SALL2: variants seen among roughly 807,000 people sequenced by gnomAD.
SALL2 encodes the protein sal-like protein 2.
Under a neutral mutation model 58.5 loss-of-function variants are expected in SALL2, and 32 were observed. That is an observed-to-expected ratio of 0.55 (90% CI 0.41 to 0.74). SALL2 has a LOEUF of 0.74. SALL2 is among the 30% of genes least tolerant of loss of function. The probability of loss-of-function intolerance (pLI) is 0.00; values close to 1 mark genes in which losing one functional copy is unlikely to be tolerated. For missense variants in SALL2, 1,201 were observed against 1,268.9 expected, an observed-to-expected ratio of 0.95 and a Z score of 0.81; for synonymous variants, 516 against 513.6, an observed-to-expected ratio of 1.00 and a Z score of -0.06.
Position 21,526,298 on chromosome 14 carries a change from G to A in SALL2, c.-171C>T. ...AGCAGCGGCGGAGGGGGAGGGGAGC[G>A]AGGAGGCGGGGAGAAGCTGGAGTGA... On this transcript the variant is annotated 5_prime_UTR_variant, in exon 1 of 2. Coordinates refer to ENST00000537235, the MANE Select transcript of SALL2 (RefSeq NM_001364564.1). 5.6e-6 allele frequency: 8 copies of A among 1,437,308 alleles called. No individual in the cohort carries two copies. The highest frequency in any genetic ancestry group is 2.8e-5 in the Admixed American group (1 of 35,930). The allele number at this position is 1,437,308 out of a possible 1,614,324, so 89.0% of individuals were successfully genotyped here.
upstream of SALL2, among the ~76,000 whole-genome samples, chr14:21,531,334 G>C (rs972233060): frequency 1.3e-5 from 2 of 152,240 alleles, no homozygotes; most frequent in Non-Finnish European, 2.9e-5. Context: ...TCAGACCTGA[G>C]TTAAAGTCCC....
In SALL2 at chr14:21,525,588, G is replaced by A. The variant is rs756929275; in HGVS notation, c.134C>T (p.Thr45Ile). The A allele has an allele frequency of 2.7e-5, 44 of 1,612,130 alleles. No homozygotes were observed. The highest frequency in any genetic ancestry group is 3.7e-5 in the Non-Finnish European group (44 of 1,179,052). ...TGCGTTCTGGTGGGCGAGGAATTCA[G>A]TTGGGTCAGTGAATTGTGCGCAGCA... ...AKCCAQFTDPTEFLAHQNACS... is the reference protein window; with the variant it reads ...AKCCAQFTDPIEFLAHQNACS... Residue 45 changes from threonine to isoleucine, a missense_variant, in exon 2 of 2, where the codon ACT becomes ATT. Physicochemically the swap from Thr to Ile is moderately conservative, Grantham distance 89. Around this residue, in one of 3 missense-constraint regions of SALL2, gnomAD observed 467 missense variants for 468.9 expected, o/e 1.00. Coordinates refer to ENST00000537235, the MANE Select transcript of SALL2 (RefSeq NM_001364564.1). The surrounding 1 kb of genome is among the most constrained non-coding windows in gnomAD (Gnocchi z 4.4).
At position 21,526,276 on chromosome 14, in the gene SALL2, A is replaced by C; in HGVS notation, c.-149T>G. ...ATCGGCAGCGGCGGGGGCAGGGAGC[A>C]GCGGCGGAGGGGGAGGGGAGCGAGG... On this transcript the variant is annotated 5_prime_UTR_variant, in exon 1 of 2. Coordinates refer to ENST00000537235, the MANE Select transcript of SALL2 (RefSeq NM_001364564.1). 7.1e-7 allele frequency: 1 copy of C among 1,408,258 alleles called. No individual in the cohort carries two copies. The highest frequency in any genetic ancestry group is 1.5e-5 in the South Asian group (1 of 67,630). The allele number at this position is 1,408,258 out of a possible 1,614,324, so 87.2% of individuals were successfully genotyped here.
rs1892075357 is a variant in SALL2 at position 21,522,433 on chromosome 14, G to A, written c.*271C>T. 1 of 1,409,926 alleles carries A rather than the reference G, an allele frequency of 7.1e-7. No homozygotes were observed. Among genetic ancestry groups the A allele is most frequent in the Non-Finnish European group, 9.2e-7 (1 of 1,085,736 alleles). The allele number at this position is 1,409,926 out of a possible 1,614,324, so 87.3% of individuals were successfully genotyped here. A position where few individuals can be genotyped will look rare whatever the true frequency, so the allele number is the denominator to read the frequency against. The stretch of plus-strand genomic sequence containing the variant: ...GAGGGGGAAGAAGGGTCACACCAGG[G>A]AAGCTGGAGAGGGTTCCCCTTGAGA... On this transcript the variant is annotated 3_prime_UTR_variant, in exon 2 of 2. Coordinates refer to ENST00000537235, the MANE Select transcript of SALL2 (RefSeq NM_001364564.1).
chr14:21,528,138 CAA>C (rs34420452), upstream of SALL2, among the ~76,000 whole-genome samples: 12 of 111,810 alleles, frequency 1.1e-4, no homozygotes, highest in African/African-American at 1.5e-4. Context: ...AACTGCGTCT[CAA>C]AAAAAAAAAA....
chr14:21,525,367 A>G lies in SALL2; in HGVS notation c.355T>C (p.Ser119Pro), dbSNP rs1446534874. Residue 119 changes from serine (S) to proline (P), a missense_variant, in exon 2 of 2, where the codon TCT (serine) becomes CCT (proline). Physicochemically the swap from Ser to Pro is moderately conservative, Grantham distance 74. Around this residue, in one of 3 missense-constraint regions of SALL2, gnomAD observed 467 missense variants for 468.9 expected, o/e 1.00. Coordinates refer to ENST00000537235, the MANE Select transcript of SALL2 (RefSeq NM_001364564.1). The surrounding 1 kb of genome is among the most constrained non-coding windows in gnomAD (Gnocchi z 4.4). ...GCAGCGACCAGGAAATGCCCTGAAG[A>G]CTCCTCTCCTCTCCTCTCTGGGCCC... ...TWGPERRGEE[S>P]SGHFLVAATG... is the part of the protein sequence containing the mutation. 6 of 1,612,092 alleles carry G rather than the reference A, an allele frequency of 3.7e-6. No individual in the cohort carries two copies. The Admixed American group carries it at 5.0e-5, about 13-fold the overall frequency.
At chr14:21,528,853 G>C (rs1892389707), upstream of SALL2, among the ~76,000 whole-genome samples, 1 of 152,144 alleles carries the variant, frequency 6.6e-6, no homozygotes, top group African/African-American at 2.4e-5. Flanking sequence ...CAGGGAGAGG[G>C]AATCAGATGG....
rs375340504 is a variant in SALL2 at position 21,526,175 on chromosome 14, T to C, written c.-48A>G. On this transcript the variant is annotated 5_prime_UTR_variant, in exon 1 of 2. Transcript: ENST00000537235. Reference sequence around the variant, plus strand: ...CAGGTGGGGTGGGAGACAATGGATATTGGGATTGAGGGAGGCGATGGCCGC... The same window carrying C: ...CAGGTGGGGTGGGAGACAATGGATACTGGGATTGAGGGAGGCGATGGCCGC... The C allele has an allele frequency of 1.2e-3, 1,898 of 1,534,682 alleles. 46 individuals carry two copies. In the South Asian group the frequency reaches 0.021, roughly 17 times the overall value.
chr14:21,531,422 T>G (rs970968973), intron 1 of SALL2, among the ~76,000 whole-genome samples: 1 of 152,200 alleles, frequency 6.6e-6, no homozygotes, highest in African/African-American at 2.4e-5. Flanking sequence ...TTATTTTTTT[T>G]TGGGACAGAG....
At position 21,524,883 on chromosome 14, in the gene SALL2, C is replaced by T. The variant is rs1892218645; in HGVS notation, c.839G>A (p.Gly280Glu). 1 of 1,614,016 alleles carries T rather than the reference C, an allele frequency of 6.2e-7. No individual in the cohort carries two copies. The highest frequency in any genetic ancestry group is 1.3e-5 in the African/African-American group (1 of 74,926). The change falls in exon 2 of 2, where the codon GGG becomes GAG. Residue 280 changes from glycine (G) to glutamate (E), a missense_variant. Physicochemically the swap from Gly to Glu is moderately conservative, Grantham distance 98. Transcript: ENST00000537235. ...TCCAGCAGAGAAAGGATGCTGTGACCCCAGTGGGTGGTAAAGGTGGAAGAA... is the reference window on the plus strand; with the variant it reads ...TCCAGCAGAGAAAGGATGCTGTGACTCCAGTGGGTGGTAAAGGTGGAAGAA... ...QAFFHLYHPL[G>E]SQHPFSAGGV... is the part of the protein sequence containing the mutation.
At position 21,525,728 on chromosome 14, in the gene SALL2, G is replaced by A. The variant is rs1405263464; in HGVS notation, c.68-74C>T. On this transcript the variant is annotated intron_variant, in intron 1 of 1. Coordinates refer to ENST00000537235, the MANE Select transcript of SALL2 (RefSeq NM_001364564.1). This position sits in a 1 kb window ranked among gnomAD's most constrained non-coding sequence, Gnocchi z 4.4. ...GTATACCGAGGCTCTAATTAACAAGGAGGCCAGTAACCGCTAGTTGGGGGT... is the reference window on the plus strand; with the variant it reads ...GTATACCGAGGCTCTAATTAACAAGAAGGCCAGTAACCGCTAGTTGGGGGT... 4 of 1,479,314 alleles carry A rather than the reference G, an allele frequency of 2.7e-6. No individual in the cohort carries two copies. Among genetic ancestry groups the A allele is most frequent in the Non-Finnish European group, 3.6e-6 (4 of 1,107,152 alleles). 91.6% of individuals were successfully genotyped at this position (1,479,314 alleles called of 1,614,324 possible).
Position 21,524,606 on chromosome 14 carries a change from T to C in SALL2, c.1116A>G (p.Lys372=), listed in dbSNP as rs1172046443. The C allele has an allele frequency of 1.9e-6, 3 of 1,614,084 alleles. No homozygotes were observed. The highest frequency in any genetic ancestry group is 2.5e-6 in the Non-Finnish European group (3 of 1,180,040). ...CAAATACTTTGGCACAGAAGCGGCA[T>C]TTGTGCCTTCCACCAGGCTTCTCCA... ...GPLEKPGGRH[K]CRFCAKVFGS... is the part of the protein sequence containing the mutation. The change falls in exon 2 of 2, where the codon AAA becomes AAG. Residue 372 remains lysine, a synonymous_variant. Transcript: ENST00000537235.
At position 21,525,996 on chromosome 14, in the gene SALL2, C is replaced by G. The variant is rs1480861233; in HGVS notation, c.67+65G>C. 9.4e-6 allele frequency: 13 copies of G among 1,383,422 alleles called. No homozygotes were observed. Among genetic ancestry groups the G allele is most frequent in the Admixed American group, 2.0e-5 (1 of 50,686 alleles). The allele number at this position is 1,383,422 out of a possible 1,614,324, so 85.7% of individuals were successfully genotyped here. A position where few individuals can be genotyped will look rare whatever the true frequency, so the allele number is the denominator to read the frequency against. On this transcript the variant is annotated intron_variant, in intron 1 of 1. Transcript: ENST00000537235. The surrounding 1 kb of genome is among the most constrained non-coding windows in gnomAD (Gnocchi z 4.4). ...GCATTTTCTCCCACCCACCGAAAGTCTTCGCCGCCCCTGCGCATCCCCCTC... is the reference window on the plus strand; with the variant it reads ...GCATTTTCTCCCACCCACCGAAAGTGTTCGCCGCCCCTGCGCATCCCCCTC...
At chr14:21,536,046 CTCT>C (rs1892588479) in intron 1 of SALL2, among the ~76,000 whole-genome samples, 1 of 152,188 alleles carries the variant, frequency 6.6e-6, no homozygotes, top group South Asian at 2.1e-4. Flanking sequence ...AGCAATTTCA[CTCT>C]TCAATTCCCT....
In SALL2 at chr14:21,522,656, C is replaced by T. The variant is rs1315613463; in HGVS notation, c.*48G>A. On this transcript the variant is annotated 3_prime_UTR_variant, in exon 2 of 2. Coordinates refer to ENST00000537235, the MANE Select transcript of SALL2 (RefSeq NM_001364564.1). The stretch of plus-strand genomic sequence containing the variant: ...AACTCTGGGAGGTCCTTTTGTGAAG[C>T]TGTTTCTGCTCTGTGGGACAAAGAG... The T allele has an allele frequency of 6.7e-7, 1 of 1,497,520 alleles. No homozygotes were observed. Among genetic ancestry groups the T allele is most frequent in the Non-Finnish European group, 8.9e-7 (1 of 1,124,606 alleles). 92.8% of individuals were successfully genotyped at this position (1,497,520 alleles called of 1,614,324 possible).
At chr14:21,535,332 G>A (rs1195522560) in intron 1 of SALL2, among the ~76,000 whole-genome samples, 5 of 141,872 alleles carry the variant, frequency 3.5e-5, no homozygotes, top group South Asian at 2.2e-4. Flanking sequence ...GCGACAGAGC[G>A]AGACTCTCTC....
rs547024965 is a variant in SALL2 at position 21,535,217 on chromosome 14, C to T, written c.-114+1745G>A. Reference sequence around the variant, plus strand: ...AAAATTAGCCCGGCGTGGTGGCAGGCGCCTATAGTTCCAGCTACTCGGGAG... The same window carrying T: ...AAAATTAGCCCGGCGTGGTGGCAGGTGCCTATAGTTCCAGCTACTCGGGAG... On this transcript the variant is annotated intron_variant, in intron 1 of 1. Transcript: ENST00000541965. 2.6e-5 allele frequency among the ~76,000 whole-genome samples: 4 copies of T among 151,888 alleles called. No homozygotes were observed. The East Asian group carries it at 5.8e-4, about 22-fold the overall frequency.
In SALL2 at chr14:21,526,052, C is replaced by G. The variant is rs1892292990; in HGVS notation, c.67+9G>C. ...CCACCCCTGCCCAGCCCGACCGACC[C>G]TACCGCACCTCCGAGCTCTGCCGGC... is the stretch of plus-strand genomic sequence containing the variant. On this transcript the variant is annotated intron_variant, in intron 1 of 1. Transcript: ENST00000537235. The G allele has an allele frequency of 6.5e-7, 1 of 1,535,068 alleles. No individual in the cohort carries two copies. Among genetic ancestry groups the G allele is most frequent in the African/African-American group, 1.4e-5 (1 of 72,990 alleles).
chr14:21,535,204 G>A (rs960624707), intron 1 of SALL2, among the ~76,000 whole-genome samples: 6 of 151,994 alleles, frequency 3.9e-5, no homozygotes, highest in African/African-American at 1.4e-4. Context: ...AATTAGCCCG[G>A]CGTGGTGGCA....
Sources: allele counts gnomAD v4.1 joint callset (sites outside exome capture counted in the v4.1 genomes callset), GRCh38; gene constraint gnomAD v4.1.1; regional missense constraint gnomAD v4.1.1; non-coding constraint Gnocchi (gnomAD v3.1); transcripts MANE v1.5; gene names NCBI Gene and HGNC (gene_info 2026-07-23, HGNC 2026-07-21).